The following NFIA variants were observed in gnomAD, a reference collection of about 807,000 sequenced individuals.
The protein encoded by NFIA is nuclear factor I A.
NFIA carries 8 observed loss-of-function variants against 62.8 expected under a neutral mutation model. The observed-to-expected ratio is 0.13, with a 90% CI of 0.07 to 0.23. The LOEUF is 0.23. Ranked by LOEUF, NFIA falls within the 10% of genes least tolerant of loss-of-function variation. The pLI is 1.00. For missense variants in NFIA, 410 were observed against 642.1 expected (o/e 0.64, Z 3.91); for synonymous variants, 235 against 238.1 (o/e 0.99, Z 0.12).
chr1:61,311,050 GTATT>G (rs1297542341), intron 3 of NFIA, among the ~76,000 whole-genome samples: 1 of 152,092 alleles, frequency 6.6e-6, no homozygotes, highest in African/African-American at 2.4e-5. Context: ...TGAATAGTAG[GTATT>G]TAGTTAGTAT....
chr1:61,081,960 C>A, upstream of NFIA: 1 of 1,550,612 alleles, frequency 6.4e-7, no homozygotes, highest in Non-Finnish European at 8.7e-7. Flanking sequence ...ATGTGCCGCC[C>A]GGCCTCCTCC....
chr1:61,328,623 TAGTC>T (rs905453224), intron 3 of NFIA, among the ~76,000 whole-genome samples: 22 of 152,144 alleles, frequency 1.4e-4, no homozygotes, highest in African/African-American at 5.3e-4. Flanking sequence ...ATTTCTCTGT[TAGTC>T]AGGCTGGTCT....
At chr1:61,152,141 T>C (rs1323248620) in intron 2 of NFIA, among the ~76,000 whole-genome samples, 1 of 152,120 alleles carries the variant, frequency 6.6e-6, no homozygotes, top group African/African-American at 2.4e-5. Flanking sequence ...ACAAAGCAAA[T>C]TTATGGTTGT....
At chr1:61,422,809 C>T (rs1666693668) in intron 9 of NFIA, among the ~76,000 whole-genome samples, 1 of 151,716 alleles carries the variant, frequency 6.6e-6, no homozygotes, top group African/African-American at 2.4e-5. Flanking sequence ...CTCCACCCCA[C>T]TCCCTCATGT....
intron 2 of NFIA, among the ~76,000 whole-genome samples, chr1:61,099,052 G>A (rs1009299276): frequency 1.3e-5 from 2 of 152,150 alleles, no homozygotes; most frequent in Non-Finnish European, 2.9e-5. Context: ...CGACAAACAT[G>A]CAAAATGGAT....
chr1:61,385,764 A>G (rs1389846926), intron 7 of NFIA: 1 of 152,216 alleles, frequency 6.6e-6, no homozygotes, highest in Non-Finnish European at 1.5e-5. Context: ...TCACAGCATA[A>G]CAAGTTGCAA....
intron 2 of NFIA, among the ~76,000 whole-genome samples, chr1:61,106,346 C>T (rs978684840): frequency 6.6e-6 from 1 of 151,754 alleles, no homozygotes; most frequent in South Asian, 2.1e-4. Flanking sequence ...TTAAGTCAGA[C>T]ATACATTTGG....
chr1:61,209,043 C>T (rs1282406235), intron 2 of NFIA, among the ~76,000 whole-genome samples: 1 of 152,068 alleles, frequency 6.6e-6, no homozygotes, highest in Non-Finnish European at 1.5e-5. Context: ...TCCTGCTGTA[C>T]TGGAGTAGCC....
chr1:61,445,958 T>C (rs1667790398), intron 10 of NFIA, among the ~76,000 whole-genome samples: 1 of 152,162 alleles, frequency 6.6e-6, no homozygotes, highest in Non-Finnish European at 1.5e-5. Flanking sequence ...GCCAAGCTCA[T>C]TCTGACCTCA....
At chr1:61,285,237 C>T (rs140933769) in intron 3 of NFIA, among the ~76,000 whole-genome samples, 57 of 152,184 alleles carry the variant, frequency 3.7e-4, no homozygotes, top group African/African-American at 1.3e-3. Flanking sequence ...TTCTAATGGC[C>T]ACTTTTCATA....
intron 2 of NFIA, among the ~76,000 whole-genome samples, chr1:61,167,838 A>G (rs1420099856): frequency 1.3e-5 from 2 of 152,072 alleles, no homozygotes; most frequent in Non-Finnish European, 2.9e-5. Context: ...TTTACAGCTT[A>G]TTTTTATCTC....
At chr1:61,373,971 A>G (rs1000525688) in intron 6 of NFIA, among the ~76,000 whole-genome samples, 15 of 152,200 alleles carry the variant, frequency 9.9e-5, no homozygotes, top group Non-Finnish European at 1.8e-4. Context: ...ACTATCCAGT[A>G]TTCTAACCAT....
At chr1:61,307,419 G>A (rs1391293980) in intron 3 of NFIA, among the ~76,000 whole-genome samples, 2 of 152,184 alleles carry the variant, frequency 1.3e-5, no homozygotes, top group African/African-American at 2.4e-5. Flanking sequence ...GCCCCCAGAA[G>A]TGTGAGAAAT....
chr1:61,335,613 C>T (rs545435227), intron 4 of NFIA, among the ~76,000 whole-genome samples: 3 of 152,184 alleles, frequency 2.0e-5, no homozygotes, highest in East Asian at 3.9e-4. Context: ...GAGGCCAAGG[C>T]GGGTGGATCA....
intron 2 of NFIA, among the ~76,000 whole-genome samples, chr1:61,271,067 A>G (rs1273139177): frequency 6.6e-6 from 1 of 152,228 alleles, no homozygotes; most frequent in Non-Finnish European, 1.5e-5. Context: ...CTTGAAATTC[A>G]GCCTCATGCG....
At chr1:61,219,873 G>C (rs899163676) in intron 2 of NFIA, among the ~76,000 whole-genome samples, 1 of 152,162 alleles carries the variant, frequency 6.6e-6, no homozygotes, top group African/African-American at 2.4e-5. Context: ...TGAGGCAGGA[G>C]AATCACTTGG....
At chr1:61,191,824 A>G (rs913927963) in intron 2 of NFIA, among the ~76,000 whole-genome samples, 1 of 148,080 alleles carries the variant, frequency 6.8e-6, no homozygotes, top group Non-Finnish European at 1.5e-5. Flanking sequence ...TTTCTTCTAG[A>G]TGCTAAGTAA....
chr1:61,252,661 A>G (rs1464302475), intron 2 of NFIA, among the ~76,000 whole-genome samples: 1 of 152,242 alleles, frequency 6.6e-6, no homozygotes, highest in East Asian at 1.9e-4. Context: ...GATACGCATT[A>G]TATAAGAAAG....
chr1:61,449,476 G>A (rs989797730), intron 10 of NFIA, among the ~76,000 whole-genome samples: 2 of 152,214 alleles, frequency 1.3e-5, no homozygotes, highest in Non-Finnish European at 2.9e-5. Context: ...AATCCTGAGG[G>A]TAAAGGCCCC....
Sources: allele counts gnomAD v4.1 joint callset (sites outside exome capture counted in the v4.1 genomes callset), GRCh38; gene constraint gnomAD v4.1.1; transcripts MANE v1.5; gene names NCBI Gene and HGNC (gene_info 2026-07-23, HGNC 2026-07-21).